Variants in ASTN2 observed in about 807,000 individuals in gnomAD.
The protein encoded by ASTN2 is astrotactin-2.
ASTN2 carries 54 observed loss-of-function variants against 139.8 expected under a neutral mutation model. The observed-to-expected ratio is 0.39, with a 90% CI of 0.31 to 0.48. The LOEUF (loss-of-function observed/expected upper bound fraction) is 0.48. Among genes scored for constraint, ASTN2 ranks in the 20% least tolerant of loss-of-function variants. ASTN2 has a pLI of 0.95. For synonymous variants in ASTN2, 756 were observed against 719.5 expected, an observed-to-expected ratio of 1.05 and a Z score of -0.81; for missense variants, 1,565 against 1,725.1, an observed-to-expected ratio of 0.91 and a Z score of 1.64.
At chr9:116,580,409 T>C (rs2131709656) in intron 19 of ASTN2, among the ~76,000 whole-genome samples, 1 of 152,244 alleles carries the variant, frequency 6.6e-6, no homozygotes, top group African/African-American at 2.4e-5. Flanking sequence ...CAAGGACCCA[T>C]GGCCCTGGGA....
At position 116,431,511 on chromosome 9, in the gene ASTN2, T is replaced by C. The variant is rs1011342365; in HGVS notation, c.3783-5423A>G. Reference sequence around the variant, plus strand: ...TTCTGGTAAGAGGGACACATGTAAATTGCAGCCAGATCATGATACTGAGGG... The same window carrying C: ...TTCTGGTAAGAGGGACACATGTAAACTGCAGCCAGATCATGATACTGAGGG... On this transcript the variant is annotated intron_variant, in intron 22 of 22. Coordinates refer to ENST00000313400, the MANE Select transcript of ASTN2 (RefSeq NM_001365068.1). 2.7e-4 allele frequency among the ~76,000 whole-genome samples: 41 copies of C among 152,052 alleles called. 1 individual carries two copies. The highest frequency in any genetic ancestry group is 8.7e-4 in the African/African-American group (36 of 41,398).
intron 2 of ASTN2, among the ~76,000 whole-genome samples, chr9:117,290,183 T>C (rs1051780295): frequency 1.3e-5 from 2 of 152,150 alleles, no homozygotes; most frequent in African/African-American, 4.8e-5. Context: ...AGATACCATT[T>C]CCTAACCTTG....
At chr9:117,350,806 G>T (rs1018874627) in intron 1 of ASTN2, among the ~76,000 whole-genome samples, 1 of 152,150 alleles carries the variant, frequency 6.6e-6, no homozygotes, top group South Asian at 2.1e-4. Flanking sequence ...AGCAGAGAAA[G>T]CTTGTCATAT....
chr9:117,316,285 G>A (rs1234662470), intron 1 of ASTN2, among the ~76,000 whole-genome samples: 1 of 152,160 alleles, frequency 6.6e-6, no homozygotes, highest in Non-Finnish European at 1.5e-5. Context: ...TGTGCCTGGG[G>A]ATATCTCACT....
chr9:116,614,830 A>G (rs897607502), intron 19 of ASTN2, among the ~76,000 whole-genome samples: 3 of 152,222 alleles, frequency 2.0e-5, no homozygotes, highest in Non-Finnish European at 2.9e-5. Flanking sequence ...TTTCATGACT[A>G]AAGCACCAAA....
At chr9:116,434,418 T>A (rs1847587197) in intron 22 of ASTN2, among the ~76,000 whole-genome samples, 1 of 152,146 alleles carries the variant, frequency 6.6e-6, no homozygotes, top group Non-Finnish European at 1.5e-5. Context: ...CATCCCAGGT[T>A]TGTTTGTTTT....
chr9:116,954,162 T>C (rs1835642947), intron 10 of ASTN2, among the ~76,000 whole-genome samples: 1 of 152,202 alleles, frequency 6.6e-6, no homozygotes, highest in African/African-American at 2.4e-5. Context: ...TCCCATGATA[T>C]AGCATCATTA....
At chr9:116,557,806 G>T (rs1031265818) in intron 19 of ASTN2, among the ~76,000 whole-genome samples, 16 of 152,164 alleles carry the variant, frequency 1.1e-4, no homozygotes, top group African/African-American at 3.9e-4. Flanking sequence ...GATGAAAGAG[G>T]CAGAGTGATA....
At chr9:116,846,007 G>C (rs1832419827) in intron 11 of ASTN2, among the ~76,000 whole-genome samples, 1 of 152,132 alleles carries the variant, frequency 6.6e-6, no homozygotes, top group Non-Finnish European at 1.5e-5. Context: ...ACACACAATG[G>C]AATATTATTC....
chr9:116,667,217 A>T (rs1302006461), intron 16 of ASTN2, among the ~76,000 whole-genome samples: 2 of 151,902 alleles, frequency 1.3e-5, no homozygotes, highest in Non-Finnish European at 2.9e-5. Context: ...CAGCCTCTCA[A>T]AGTGCTGGGA....
chr9:116,460,780 G>T (rs1308096026), intron 20 of ASTN2, among the ~76,000 whole-genome samples: 1 of 152,078 alleles, frequency 6.6e-6, no homozygotes, highest in East Asian at 1.9e-4. Context: ...TGAGTACTTG[G>T]TCTCCTCCAG....
chr9:117,331,968 T>C (rs1587955098), intron 1 of ASTN2, among the ~76,000 whole-genome samples: 1 of 152,104 alleles, frequency 6.6e-6, no homozygotes, highest in East Asian at 1.9e-4. Context: ...GCTAATTTTC[T>C]TTCAGACTTC....
chr9:116,982,279 A>G (rs747734655), intron 7 of ASTN2, among the ~76,000 whole-genome samples: 12 of 152,186 alleles, frequency 7.9e-5, no homozygotes, highest in African/African-American at 1.2e-4. Flanking sequence ...TGTTTCCTTT[A>G]CCTATAATGG....
At chr9:116,507,552 C>T (rs972617816) in intron 19 of ASTN2, among the ~76,000 whole-genome samples, 14 of 152,144 alleles carry the variant, frequency 9.2e-5, no homozygotes, top group African/African-American at 2.9e-4. Flanking sequence ...AGTATGCCTC[C>T]CATCCTCCCT....
At chr9:117,152,311 G>A (rs7848457) in intron 3 of ASTN2, among the ~76,000 whole-genome samples, 3,869 of 152,164 alleles carry the variant, frequency 0.025, 161 homozygotes, top group African/African-American at 0.083. Context: ...TTTCCCTTTG[G>A]GGTAACCGAT....
intron 19 of ASTN2, among the ~76,000 whole-genome samples, chr9:116,525,831 G>C (rs1410164801): frequency 1.3e-5 from 2 of 152,090 alleles, no homozygotes; most frequent in Non-Finnish European, 2.9e-5. Flanking sequence ...GCTCTTTACA[G>C]TCACCCTAAA....
intron 5 of ASTN2, among the ~76,000 whole-genome samples, chr9:117,056,453 G>A (rs1188174475): frequency 6.6e-6 from 1 of 152,180 alleles, no homozygotes; most frequent in African/African-American, 2.4e-5. Flanking sequence ...TTGCAAAAGA[G>A]CCAGGCACAG....
At chr9:116,625,921 C>T (rs1268156937) in intron 17 of ASTN2, among the ~76,000 whole-genome samples, 1 of 152,062 alleles carries the variant, frequency 6.6e-6, no homozygotes, top group South Asian at 2.1e-4. Flanking sequence ...TTGAAACTTG[C>T]TTATTTGTGT....
intron 10 of ASTN2, among the ~76,000 whole-genome samples, chr9:116,951,603 T>C (rs556153850): frequency 4.6e-5 from 7 of 152,064 alleles, no homozygotes; most frequent in East Asian, 3.9e-4. Flanking sequence ...TTCCCTTAGA[T>C]AGGAAGCAAG....
Sources: allele counts gnomAD v4.1 joint callset (sites outside exome capture counted in the v4.1 genomes callset), GRCh38; gene constraint gnomAD v4.1.1; transcripts MANE v1.5; gene names NCBI Gene and HGNC (gene_info 2026-07-23, HGNC 2026-07-21).